The following CNTN1 variants were observed in gnomAD, a reference collection of about 807,000 sequenced individuals.
CNTN1 encodes contactin-1.
A neutral mutation model predicts 126.4 loss-of-function variants in CNTN1; 38 were observed. The observed-to-expected ratio is 0.30, with a 90% CI of 0.23 to 0.39. CNTN1 has a LOEUF of 0.39. Ranked by LOEUF, CNTN1 falls within the 10% of genes least tolerant of loss-of-function variation. The probability of loss-of-function intolerance (pLI) is 1.00; values close to 1 mark genes in which losing one functional copy is unlikely to be tolerated. For missense variants in CNTN1, 1,009 were observed against 1,248.4 expected (o/e 0.81, Z 2.89); for synonymous variants, 413 against 422.6 (o/e 0.98, Z 0.28).
At chr12:40,755,564 A>C (rs1295865635) in intron 1 of CNTN1, among the ~76,000 whole-genome samples, 1 of 151,958 alleles carries the variant, frequency 6.6e-6, no homozygotes, top group East Asian at 1.9e-4. Context: ...ATTTAATTAA[A>C]AAAAAACAGC....
At chr12:41,057,221 A>G (rs891049864) in intron 23 of CNTN1, among the ~76,000 whole-genome samples, 1 of 145,588 alleles carries the variant, frequency 6.9e-6, no homozygotes, top group African/African-American at 2.5e-5. Flanking sequence ...ATATTTATAA[A>G]TATTATTATA....
intron 19 of CNTN1, among the ~76,000 whole-genome samples, chr12:41,018,922 C>T (rs1262297442): frequency 2.0e-5 from 3 of 151,948 alleles, no homozygotes; most frequent in Non-Finnish European, 2.9e-5. Context: ...TTTGGGAGGT[C>T]GAGGTGGGCG....
At chr12:40,783,644 G>A (rs866374591) in intron 1 of CNTN1, among the ~76,000 whole-genome samples, 2 of 151,958 alleles carry the variant, frequency 1.3e-5, no homozygotes, top group Non-Finnish European at 2.9e-5. Context: ...AATGTTTCAG[G>A]TAAAACATGA....
intron 1 of CNTN1, among the ~76,000 whole-genome samples, chr12:40,760,518 G>A (rs1248231644): frequency 4.0e-5 from 6 of 151,832 alleles, no homozygotes; most frequent in Admixed American, 1.3e-4. Flanking sequence ...AGCTCACTAG[G>A]CGTGTGCAAA....
intron 23 of CNTN1, among the ~76,000 whole-genome samples, chr12:41,037,894 A>C (rs1208923309): frequency 6.6e-6 from 1 of 152,192 alleles, no homozygotes; most frequent in Non-Finnish European, 1.5e-5. Context: ...ATGGTGGCTC[A>C]TGCCTATAGT....
intron 17 of CNTN1, among the ~76,000 whole-genome samples, chr12:40,994,807 A>G (rs10506181): frequency 0.065 from 9,876 of 152,030 alleles, 517 homozygotes; most frequent in Admixed American, 0.16. Flanking sequence ...ATCATAGTTA[A>G]GGTTGAAATC....
At position 40,910,131 on chromosome 12, in the gene CNTN1, G is replaced by T. The variant is rs368229393; in HGVS notation, c.94+26G>T. On this transcript the variant is annotated intron_variant, in intron 3 of 23. Coordinates refer to ENST00000551295, the MANE Select transcript of CNTN1 (RefSeq NM_001843.4). ...GTAAGTTGACCAAAGAGTAGACCTTGTAAACATCTTTTCTCTATTGAATCA... is the reference window on the plus strand; with the variant it reads ...GTAAGTTGACCAAAGAGTAGACCTTTTAAACATCTTTTCTCTATTGAATCA... 33 of 1,548,654 alleles carry T rather than the reference G, an allele frequency of 2.1e-5. No individual in the cohort carries two copies. The African/African-American group carries it at 4.3e-4, about 20-fold the overall frequency.
At chr12:40,838,708 C>A (rs1942163865) in intron 1 of CNTN1, among the ~76,000 whole-genome samples, 1 of 152,158 alleles carries the variant, frequency 6.6e-6, no homozygotes, top group Non-Finnish European at 1.5e-5. Context: ...TACAGAGACA[C>A]ACTTAGAATC....
chr12:40,705,941 T>G (rs1196716080), intron 1 of CNTN1, among the ~76,000 whole-genome samples: 3 of 151,990 alleles, frequency 2.0e-5, no homozygotes, highest in African/African-American at 7.3e-5. Flanking sequence ...CTCACTGTCT[T>G]GAGACAGCAG....
Position 40,895,780 on chromosome 12 carries a change from C to T in CNTN1, c.-76-12577C>T, listed in dbSNP as rs553712022. Among the ~76,000 whole-genome samples, 9 of 128,202 alleles carry T rather than the reference C, an allele frequency of 7.0e-5. No homozygotes were observed. In the East Asian group the frequency reaches 1.7e-3, roughly 25 times the overall value. 84.1% of individuals were successfully genotyped at this position (128,202 alleles called of 152,430 possible). A position where few individuals can be genotyped will look rare whatever the true frequency, so the allele number is the denominator to read the frequency against. ...ATTTTTTTTTTTTTTTTTTTTGAGA[C>T]GGAGTCTGGCTCTGTCGCCCAGGCT... On this transcript the variant is annotated intron_variant, in intron 1 of 23. Coordinates refer to ENST00000551295, the MANE Select transcript of CNTN1 (RefSeq NM_001843.4).
chr12:40,926,994 G>A (rs1415891625), intron 6 of CNTN1, among the ~76,000 whole-genome samples: 3 of 151,998 alleles, frequency 2.0e-5, no homozygotes, highest in Non-Finnish European at 2.9e-5. Context: ...GCTTCCAAAC[G>A]GAAATCAAGG....
intron 23 of CNTN1, among the ~76,000 whole-genome samples, chr12:41,057,186 T>A (rs185831305): frequency 5.1e-4 from 67 of 130,576 alleles, no homozygotes; most frequent in South Asian, 1.3e-3. Context: ...TATAAATATT[T>A]AGATATTTAT....
intron 4 of CNTN1, among the ~76,000 whole-genome samples, chr12:40,921,606 T>C (rs1297366682): frequency 1.3e-5 from 2 of 152,198 alleles, no homozygotes. Flanking sequence ...TTTCACTTTA[T>C]TAAAAGTAAT....
intron 14 of CNTN1, among the ~76,000 whole-genome samples, chr12:40,947,774 TATATATATACACACACACACAC>T (rs1179986989): frequency 2.5e-5 from 2 of 81,172 alleles, no homozygotes; most frequent in African/African-American, 4.9e-5. Flanking sequence ...CATATATATA[TATATATATACACACACACACAC>T]ACACACACAC....
At chr12:40,858,828 G>A (rs970312354) in intron 1 of CNTN1, among the ~76,000 whole-genome samples, 1 of 152,064 alleles carries the variant, frequency 6.6e-6, no homozygotes, top group Non-Finnish European at 1.5e-5. Flanking sequence ...TCCTTTGCGG[G>A]GACATGGATA....
At chr12:40,824,611 G>T (rs1449772561) in intron 1 of CNTN1, among the ~76,000 whole-genome samples, 1 of 152,054 alleles carries the variant, frequency 6.6e-6, no homozygotes, top group Non-Finnish European at 1.5e-5. Flanking sequence ...AAAACCTAAA[G>T]AAAGATAGAT....
At chr12:41,018,923 G>A (rs1291107678) in intron 19 of CNTN1, among the ~76,000 whole-genome samples, 1 of 152,082 alleles carries the variant, frequency 6.6e-6, no homozygotes, top group African/African-American at 2.4e-5. Context: ...TTGGGAGGTC[G>A]AGGTGGGCGG....
At chr12:40,756,944 A>G (rs545193451) in intron 1 of CNTN1, among the ~76,000 whole-genome samples, 9 of 152,124 alleles carry the variant, frequency 5.9e-5, no homozygotes, top group Non-Finnish European at 1.2e-4. Flanking sequence ...TTACAGCCAC[A>G]TAGTAATCAG....
chr12:40,870,498 G>A (rs184622514), intron 1 of CNTN1, among the ~76,000 whole-genome samples: 21 of 151,972 alleles, frequency 1.4e-4, no homozygotes, highest in Admixed American at 1.2e-3. Flanking sequence ...CCATTTTTTT[G>A]ACATAAGGCA....
Sources: allele counts gnomAD v4.1 joint callset (sites outside exome capture counted in the v4.1 genomes callset), GRCh38; gene constraint gnomAD v4.1.1; transcripts MANE v1.5; gene names NCBI Gene and HGNC (gene_info 2026-07-23, HGNC 2026-07-21).